SBF2: variants seen among roughly 807,000 people sequenced by gnomAD.
SBF2 encodes the protein SET binding factor 2.
In SBF2, 112 loss-of-function variants were observed where a neutral mutation model predicts 225.2. That is an observed-to-expected ratio of 0.50 (90% CI 0.43 to 0.58). SBF2 has a LOEUF of 0.58. Ranked by LOEUF, SBF2 falls within the 20% of genes least tolerant of loss-of-function variation. The pLI, the probability that SBF2 is intolerant of heterozygous loss-of-function variation, is 0.00. For synonymous variants in SBF2, 763 were observed against 773.3 expected, an observed-to-expected ratio of 0.99 and a Z score of 0.22; for missense variants, 1,996 against 2,206.2, an observed-to-expected ratio of 0.90 and a Z score of 1.91.
intron 13 of SBF2, among the ~76,000 whole-genome samples, chr11:9,972,456 A>G (rs1946507465): frequency 1.3e-5 from 2 of 152,142 alleles, no homozygotes; most frequent in South Asian, 4.1e-4. Flanking sequence ...TAGTAATTAT[A>G]GTAGTAGTAT....
intron 1 of SBF2, among the ~76,000 whole-genome samples, chr11:10,196,028 C>T (rs2069214): frequency 0.095 from 14,497 of 152,086 alleles, 948 homozygotes; most frequent in East Asian, 0.29. Context: ...ATAATCAATT[C>T]GGGGAAACAA....
chr11:9,936,310 C>T (rs148730382), intron 16 of SBF2, among the ~76,000 whole-genome samples: 94 of 152,274 alleles, frequency 6.2e-4, no homozygotes, highest in African/African-American at 2.2e-3. Flanking sequence ...ACAACAGATG[C>T]TGGAGCGGAT....
intron 2 of SBF2, among the ~76,000 whole-genome samples, chr11:10,083,375 A>G (rs1362917373): frequency 1.3e-5 from 2 of 152,208 alleles, no homozygotes; most frequent in African/African-American, 4.8e-5. Flanking sequence ...CAGAATTAGA[A>G]AAAATAATCC....
chr11:10,280,558 T>G (rs1963336377), intron 1 of SBF2, among the ~76,000 whole-genome samples: 1 of 152,226 alleles, frequency 6.6e-6, no homozygotes, highest in Non-Finnish European at 1.5e-5. Context: ...CTTTTTACCC[T>G]GAAGAATAGG....
chr11:10,142,001 C>A (rs1422829935), intron 2 of SBF2, among the ~76,000 whole-genome samples: 3 of 152,172 alleles, frequency 2.0e-5, no homozygotes, highest in Admixed American at 2.0e-4. Flanking sequence ...TTCTTAGAAA[C>A]ATCATTCCTC....
intron 1 of SBF2, among the ~76,000 whole-genome samples, chr11:10,288,984 C>T (rs1418701854): frequency 2.0e-5 from 3 of 152,198 alleles, no homozygotes; most frequent in East Asian, 1.9e-4. Context: ...CCATCCACGA[C>T]GCCCAGGCTT....
chr11:10,139,702 G>A (rs143474378), intron 2 of SBF2, among the ~76,000 whole-genome samples: 1 of 152,164 alleles, frequency 6.6e-6, no homozygotes, highest in African/African-American at 2.4e-5. Context: ...CAATAAAAAG[G>A]ATGGTGTTAA....
At chr11:10,199,652 G>A (rs184133274) in intron 1 of SBF2, among the ~76,000 whole-genome samples, 61 of 152,292 alleles carry the variant, frequency 4.0e-4, no homozygotes, top group African/African-American at 1.4e-3. Flanking sequence ...AGTAAAGCCA[G>A]GTGCACTGGC....
intron 16 of SBF2, among the ~76,000 whole-genome samples, chr11:9,904,752 T>C (rs1054856449): frequency 6.6e-6 from 1 of 152,202 alleles, no homozygotes; most frequent in Non-Finnish European, 1.5e-5. Flanking sequence ...GGGCTGGGTA[T>C]GGTGGCTCAC....
intron 2 of SBF2, among the ~76,000 whole-genome samples, chr11:10,075,118 A>C (rs1951043000): frequency 1.3e-5 from 2 of 152,246 alleles, no homozygotes; most frequent in South Asian, 4.1e-4. Context: ...GAGAAGGCTA[A>C]AACTTGATAA....
intron 1 of SBF2, among the ~76,000 whole-genome samples, chr11:10,278,799 A>G (rs549892946): frequency 2.6e-5 from 4 of 151,836 alleles, no homozygotes; most frequent in Admixed American, 2.6e-4. Context: ...AAAAAAAAAA[A>G]AAAAAGAAAT....
chr11:9,801,516 T>C (rs2133883867), intron 32 of SBF2, among the ~76,000 whole-genome samples: 2 of 152,320 alleles, frequency 1.3e-5, no homozygotes, highest in Non-Finnish European at 2.9e-5. Context: ...ATTATAAATA[T>C]TGAGCTACAA....
At chr11:10,247,402 TG>T (rs1389211878) in intron 1 of SBF2, among the ~76,000 whole-genome samples, 2 of 151,768 alleles carry the variant, frequency 1.3e-5, no homozygotes, top group African/African-American at 2.4e-5. Flanking sequence ...ACAATCAGGC[TG>T]GGCATAGTGG....
intron 1 of SBF2, among the ~76,000 whole-genome samples, chr11:10,213,927 A>G (rs1958032096): frequency 6.6e-6 from 1 of 152,230 alleles, no homozygotes; most frequent in African/African-American, 2.4e-5. Context: ...ACACAGTTTA[A>G]TAACTTGTTG....
chr11:9,814,294 T>C (rs1854345666), intron 29 of SBF2, among the ~76,000 whole-genome samples: 2 of 152,214 alleles, frequency 1.3e-5, no homozygotes, highest in Non-Finnish European at 2.9e-5. Context: ...CCATCTGCTT[T>C]TCTAAGATTA....
rs377194265 is a variant in SBF2 at position 9,959,780 on chromosome 11, T to C, written c.1860+2177A>G. On this transcript the variant is annotated intron_variant, in intron 16 of 39. Transcript: ENST00000256190. ...CTGTTTAAGTGGGAGCTTGCTGAGA[T>C]GGTCATGGTGGAAGGTGTTCTGGGC... The C allele has an allele frequency of 2.5e-4, 158 of 632,004 alleles. No homozygotes were observed. The African/African-American group carries it at 2.7e-3, about 11-fold the overall frequency. 39.1% of individuals were successfully genotyped at this position (632,004 alleles called of 1,614,324 possible). A position where few individuals can be genotyped will look rare whatever the true frequency, so the allele number is the denominator to read the frequency against.
chr11:10,109,935 C>G (rs1387595216), intron 2 of SBF2, among the ~76,000 whole-genome samples: 1 of 152,188 alleles, frequency 6.6e-6, no homozygotes, highest in Non-Finnish European at 1.5e-5. Context: ...TTAACACAAA[C>G]ATGTGAATCA....
chr11:10,065,112 CAG>C (rs1950582538), intron 2 of SBF2, among the ~76,000 whole-genome samples: 1 of 152,022 alleles, frequency 6.6e-6, no homozygotes, highest in Non-Finnish European at 1.5e-5. Context: ...AAATGAAAAA[CAG>C]AAATATCTCT....
chr11:10,130,594 T>G (rs998511884), intron 2 of SBF2, among the ~76,000 whole-genome samples: 6 of 151,850 alleles, frequency 4.0e-5, no homozygotes, highest in Non-Finnish European at 8.8e-5. Flanking sequence ...TGTCATTTTA[T>G]CACATGCATA....
Sources: gnomAD v4.1 joint callset for allele counts (sites outside exome capture counted in the v4.1 genomes callset) on GRCh38, gnomAD v4.1.1 for gene constraint, MANE v1.5 for transcripts, NCBI Gene and HGNC (gene_info 2026-07-23, HGNC 2026-07-21) for gene names.